Variants in C10orf88 observed in about 807,000 individuals in gnomAD.
The protein encoded by C10orf88 is chromosome 10 open reading frame 88, also known as ATPase PAAT.
A neutral mutation model predicts 34.2 loss-of-function variants in C10orf88; 29 were observed. The ratio of observed to expected loss-of-function variants is 0.85; its 90% CI spans 0.63 to 1.16. The LOEUF is 1.16. Among genes scored for constraint, C10orf88 ranks in the 50% most tolerant of loss-of-function variants. The pLI is 0.00. For synonymous variants in C10orf88, 194 were observed against 197.4 expected (o/e 0.98, Z 0.15); for missense variants, 507 against 533.2 (o/e 0.95, Z 0.48).
Position 122,948,380 on chromosome 10 carries a change from C to T in C10orf88, c.648+269G>A, listed in dbSNP as rs145759753. Among the ~76,000 whole-genome samples, 227 of 152,190 alleles carry T rather than the reference C, an allele frequency of 1.5e-3. 1 individual carries two copies. Among genetic ancestry groups the T allele is most frequent in the Non-Finnish European group, 1.2e-3 (82 of 67,994 alleles). On this transcript the variant is annotated intron_variant, in intron 4 of 5. Coordinates refer to ENST00000481909, the MANE Select transcript of C10orf88 (RefSeq NM_024942.4). ...AGACTACAGATTAACTGACCATCTT[C>T]GCACACTCAAAATTGCTCAAACCAG...
At chr10:122,944,365 G>C (rs1231355060) in intron 4 of C10orf88, among the ~76,000 whole-genome samples, 1 of 130,564 alleles carries the variant, frequency 7.7e-6, no homozygotes. Flanking sequence ...TCACACTCTG[G>C]GGACTGTTGT....
intron 4 of C10orf88, among the ~76,000 whole-genome samples, chr10:122,946,896 C>G (rs1014304628): frequency 6.6e-6 from 1 of 151,948 alleles, no homozygotes; most frequent in African/African-American, 2.4e-5. Context: ...ATACACATAT[C>G]AGAATGTCTG....
At chr10:122,948,112 C>A (rs1848655828) in intron 4 of C10orf88, among the ~76,000 whole-genome samples, 1 of 152,086 alleles carries the variant, frequency 6.6e-6, no homozygotes, top group African/African-American at 2.4e-5. Context: ...TTAAACTTTG[C>A]CTATTACTTT....
intron 5 of C10orf88, among the ~76,000 whole-genome samples, chr10:122,935,722 C>T (rs956157358): frequency 7.2e-5 from 11 of 151,878 alleles, no homozygotes; most frequent in Admixed American, 3.9e-4. Flanking sequence ...AGAGAATTGA[C>T]GTTTTTACTA....
rs143651755 is a variant in C10orf88, at chr10:122,952,936, G to C, written c.261C>G (p.Ile87Met). The change falls in exon 2 of 6, where the codon ATC becomes ATG. Residue 87 changes from isoleucine to methionine, a missense_variant. Coordinates refer to ENST00000481909, the MANE Select transcript of C10orf88 (RefSeq NM_024942.4). ...CTGAACTTAAAATGCCAATAGAAGC[G>C]ATTTCTTCACCTCCATCAGGGCCAC... ...LRCGPDGGEE[I>M]ASIGILSSAR... 1.7e-5 allele frequency: 28 copies of C among 1,613,968 alleles called. No individual in the cohort carries two copies. The highest frequency in any genetic ancestry group is 1.6e-4 in the Middle Eastern group (1 of 6,084).
intron 4 of C10orf88, among the ~76,000 whole-genome samples, chr10:122,940,184 T>C (rs1298413309): frequency 1.3e-5 from 2 of 151,822 alleles, no homozygotes; most frequent in Non-Finnish European, 2.9e-5. Flanking sequence ...ATAAAGAAAA[T>C]GAAATGAAAT....
At chr10:122,937,664 CCTACCAAATCGAAA>C (rs1462891655) in intron 5 of C10orf88, 27 bp downstream of exon 5, 1 of 1,472,986 alleles carries the variant, frequency 6.8e-7, no homozygotes, top group Admixed American at 2.1e-5. Context: ...GATTCTTCCA[CCTACCAAATCGAAA>C]CTCGTATGTC....
At chr10:122,937,403 C>T (rs752960459) in intron 5 of C10orf88, among the ~76,000 whole-genome samples, 24 of 151,858 alleles carry the variant, frequency 1.6e-4, no homozygotes, top group Non-Finnish European at 2.9e-4. Context: ...GATTATAATT[C>T]CCACAGCTCC....
Position 122,936,908 on chromosome 10 carries a change from G to A in C10orf88, c.1103+797C>T, listed in dbSNP as rs529247982. ...GTGACTCAAGATATAATCTATCTTT[G>A]CAAATCTTCCATAGATGCTTGAAAA... On this transcript the variant is annotated intron_variant, in intron 5 of 5. Coordinates refer to ENST00000481909, the MANE Select transcript of C10orf88 (RefSeq NM_024942.4). Among the ~76,000 whole-genome samples, 6 of 151,840 alleles carry A rather than the reference G, an allele frequency of 4.0e-5. No individual in the cohort carries two copies. The South Asian group carries it at 1.2e-3, about 32-fold the overall frequency.
In C10orf88 at chr10:122,937,704, C is replaced by G; in HGVS notation, c.1103+1G>C. 2 of 1,592,808 alleles carry G rather than the reference C, an allele frequency of 1.3e-6. No homozygotes were observed. Among genetic ancestry groups the G allele is most frequent in the African/African-American group, 1.4e-5 (1 of 74,046 alleles). On this transcript the variant is annotated splice_donor_variant, in intron 5 of 5. Transcript: ENST00000481909. LOFTEE classifies it high-confidence loss of function. ...CTCGTATGTCTTAAAATAATACTTA[C>G]CCAACACCAAGAATGCGTTCACCAT...
intron 2 of C10orf88, 152 bp downstream of exon 2, chr10:122,952,677 A>G (rs1279313889): frequency 1.1e-6 from 1 of 881,256 alleles, no homozygotes; most frequent in Non-Finnish European, 1.7e-6. Context: ...TAAGATCTCT[A>G]AAGTTGTAAA....
At chr10:122,942,111 T>G (rs1209647326) in intron 4 of C10orf88, among the ~76,000 whole-genome samples, 2 of 152,182 alleles carry the variant, frequency 1.3e-5, no homozygotes, top group Non-Finnish European at 2.9e-5. Flanking sequence ...GTTTCATTTT[T>G]TCCTAGTGTC....
intron 2 of C10orf88, 28 bp from the exon 3 acceptor site, chr10:122,952,054 T>C: frequency 8.8e-7 from 1 of 1,140,978 alleles, no homozygotes; most frequent in Non-Finnish European, 1.3e-6. Flanking sequence ...TTAATTTTTT[T>C]TACTTACATA....
intron 4 of C10orf88, among the ~76,000 whole-genome samples, chr10:122,948,040 C>A (rs1479966732): frequency 6.6e-6 from 1 of 152,140 alleles, no homozygotes; most frequent in African/African-American, 2.4e-5. Flanking sequence ...AAACATAAGT[C>A]AAAAACATCT....
intron 5 of C10orf88, among the ~76,000 whole-genome samples, chr10:122,936,919 A>G (rs1848538473): frequency 6.6e-6 from 1 of 152,000 alleles, no homozygotes; most frequent in Non-Finnish European, 1.5e-5. Context: ...CAAATCTTCC[A>G]TAGATGCTTG....
At chr10:122,953,737 C>A (rs1352460225) in intron 1 of C10orf88, among the ~76,000 whole-genome samples, 1 of 150,352 alleles carries the variant, frequency 6.7e-6, no homozygotes, top group Non-Finnish European at 1.5e-5. Flanking sequence ...TTGACAGCAG[C>A]CCTGAGGGGC....
At chr10:122,949,286 G>A (rs1350900360) in intron 3 of C10orf88, among the ~76,000 whole-genome samples, 3 of 152,122 alleles carry the variant, frequency 2.0e-5, no homozygotes, top group South Asian at 4.1e-4. Flanking sequence ...ATTAGGTATA[G>A]TAAGAGTTTA....
intron 5 of C10orf88, among the ~76,000 whole-genome samples, chr10:122,935,233 T>C (rs1332419736): frequency 3.3e-5 from 5 of 152,070 alleles, no homozygotes; most frequent in Admixed American, 1.3e-4. Flanking sequence ...AGAACTCATT[T>C]CCTAGTCCTA....
intron 4 of C10orf88, among the ~76,000 whole-genome samples, chr10:122,940,987 T>C (rs1848575907): frequency 6.6e-6 from 1 of 152,088 alleles, no homozygotes; most frequent in Non-Finnish European, 1.5e-5. Flanking sequence ...GAAAAAATAA[T>C]AGTTTATCTT....
Sources: allele counts gnomAD v4.1 joint callset (sites outside exome capture counted in the v4.1 genomes callset), GRCh38; gene constraint gnomAD v4.1.1; transcripts MANE v1.5; gene names NCBI Gene and HGNC (gene_info 2026-07-23, HGNC 2026-07-21).